The following PRDM11 variants were observed in gnomAD, a reference collection of about 807,000 sequenced individuals.
PRDM11 encodes PR/SET domain 11.
Under a neutral mutation model 97.8 loss-of-function variants are expected in PRDM11, and 20 were observed. The observed-to-expected ratio is 0.20, with a 90% confidence interval of 0.14 to 0.30. PRDM11 has a LOEUF of 0.30. Among genes scored for constraint, PRDM11 ranks in the 10% least tolerant of loss-of-function variants. The pLI, the probability that PRDM11 is intolerant of heterozygous loss-of-function variation, is 1.00. For synonymous variants in PRDM11, 599 were observed against 637.7 expected (o/e 0.94, Z 0.91); for missense variants, 1,139 against 1,555.2 (o/e 0.73, Z 4.50).
At chr11:45,119,538 G>A (rs761951231) in intron 1 of PRDM11, among the ~76,000 whole-genome samples, 2 of 147,050 alleles carry the variant, frequency 1.4e-5, no homozygotes, top group Non-Finnish European at 3.0e-5. Context: ...GCTGAGGCAG[G>A]AGAATTGCGT....
intron 1 of PRDM11, among the ~76,000 whole-genome samples, chr11:45,103,582 A>G (rs1016165283): frequency 3.9e-5 from 6 of 152,126 alleles, no homozygotes; most frequent in Non-Finnish European, 7.4e-5. Context: ...TTGGCAGGGT[A>G]TTGACCAAGA....
chr11:45,145,897 T>TGA (rs1388522666), upstream of PRDM11, among the ~76,000 whole-genome samples: 1 of 152,114 alleles, frequency 6.6e-6, no homozygotes, highest in Non-Finnish European at 1.5e-5. Context: ...TCACCCCCTC[T>TGA]CTGTGATGTC....
At chr11:45,174,555 A>AT (rs1177732799) in intron 1 of PRDM11, among the ~76,000 whole-genome samples, 1 of 152,232 alleles carries the variant, frequency 6.6e-6, no homozygotes, top group East Asian at 1.9e-4. Flanking sequence ...TCATTGATTC[A>AT]TTCGTTCATC....
At chr11:45,146,113 A>G (rs1851502045), upstream of PRDM11, among the ~76,000 whole-genome samples, 1 of 152,166 alleles carries the variant, frequency 6.6e-6, no homozygotes, top group Non-Finnish European at 1.5e-5. Flanking sequence ...ACGAACCCCA[A>G]GCCCCTCACC....
chr11:45,160,371 T>G (rs1851899641), intron 1 of PRDM11, among the ~76,000 whole-genome samples: 1 of 152,252 alleles, frequency 6.6e-6, no homozygotes, highest in Non-Finnish European at 1.5e-5. Context: ...ACTAAAGTCT[T>G]TCTTGATGAT....
intron 5 of PRDM11, chr11:45,214,430 G>A (rs1853896667): frequency 1.3e-5 from 2 of 151,424 alleles, no homozygotes; most frequent in Admixed American, 1.3e-4. Flanking sequence ...AGTGGGAGCT[G>A]GGAGGATTGC....
At chr11:45,100,337 C>A (rs866540574) in intron 1 of PRDM11, among the ~76,000 whole-genome samples, 1 of 152,106 alleles carries the variant, frequency 6.6e-6, no homozygotes, top group Non-Finnish European at 1.5e-5. Flanking sequence ...TCACACTCAC[C>A]CCAGGAGAAA....
At position 45,226,401 on chromosome 11, in the gene PRDM11, C is replaced by G. The variant is rs988322430; in HGVS notation, c.1776C>G (p.Leu592=). The change falls in exon 8 of 8, where the codon CTC becomes CTG. Residue 592 remains leucine (L), a synonymous_variant. Coordinates refer to ENST00000683152, the MANE Select transcript of PRDM11 (RefSeq NM_001384648.1). ...AGATGTGTCGCAACATGACCCTGCT[C>G]TTCAACACCGCCTACCACCTGGCCT... ...TEEMCRNMTL[L]FNTAYHLALE... is the part of the protein sequence containing the mutation. The G allele has an allele frequency of 1.3e-6, 2 of 1,534,016 alleles. No individual in the cohort carries two copies. The highest frequency in any genetic ancestry group is 1.2e-5 in the South Asian group (1 of 83,970).
chr11:45,102,863 T>C (rs1267263810), intron 1 of PRDM11, among the ~76,000 whole-genome samples: 1 of 152,120 alleles, frequency 6.6e-6, no homozygotes, highest in Non-Finnish European at 1.5e-5. Flanking sequence ...ATGGCAGCAA[T>C]TGGGCTGGGC....
chr11:45,181,245 C>T (rs1400372049), intron 1 of PRDM11, among the ~76,000 whole-genome samples: 1 of 152,214 alleles, frequency 6.6e-6, no homozygotes, highest in African/African-American at 2.4e-5. Flanking sequence ...GCCAGCGCCC[C>T]CAGGCCCTGC....
chr11:45,097,460 T>C (rs984954948), intron 1 of PRDM11, among the ~76,000 whole-genome samples: 1 of 152,202 alleles, frequency 6.6e-6, no homozygotes, highest in Non-Finnish European at 1.5e-5. Context: ...ACCACAATCC[T>C]GTGGGAAAGC....
chr11:45,179,757 A>G (rs890423894), intron 1 of PRDM11, among the ~76,000 whole-genome samples: 1 of 152,192 alleles, frequency 6.6e-6, no homozygotes, highest in Non-Finnish European at 1.5e-5. Context: ...GGGCTTCAAC[A>G]TATGAAGGGG....
intron 1 of PRDM11, among the ~76,000 whole-genome samples, chr11:45,174,854 A>C (rs1012455387): frequency 6.6e-6 from 1 of 152,254 alleles, no homozygotes; most frequent in Non-Finnish European, 1.5e-5. Context: ...ACCCATGTGT[A>C]CAGATCTGCA....
chr11:45,195,213 G>A (rs1427688229), intron 4 of PRDM11, among the ~76,000 whole-genome samples: 2 of 152,088 alleles, frequency 1.3e-5, no homozygotes, highest in African/African-American at 2.4e-5. Flanking sequence ...CAGCTTTATT[G>A]AGATGTAATT....
chr11:45,233,742 A>C lies in PRDM11; in HGVS notation c.*5583A>C, dbSNP rs1854446418. The C allele has an allele frequency of 1.3e-5, 2 of 151,460 alleles. No homozygotes were observed. Among genetic ancestry groups the C allele is most frequent in the Non-Finnish European group, 3.0e-5 (2 of 67,524 alleles). 9.4% of individuals were successfully genotyped at this position (151,460 alleles called of 1,614,324 possible). On this transcript the variant is annotated 3_prime_UTR_variant, in exon 8 of 8. Transcript: ENST00000683152. ...GCATCGCCAGGCAGCGCTGCCCACC[A>C]TCCACAGGCTTTCTGGCCAGGGCAG...
intron 5 of PRDM11, chr11:45,212,348 A>G: frequency 3.0e-6 from 1 of 335,548 alleles, no homozygotes; most frequent in Non-Finnish European, 6.0e-6. Context: ...GGGCCAAACT[A>G]GACCGCAGGG....
intron 1 of PRDM11, among the ~76,000 whole-genome samples, chr11:45,169,414 A>C (rs996976698): frequency 2.6e-5 from 4 of 152,214 alleles, no homozygotes; most frequent in Non-Finnish European, 1.5e-5. Flanking sequence ...GTCCTTTAAC[A>C]CTTTATGCAA....
rs560925222 is a variant in PRDM11 at position 45,197,885 on chromosome 11, G to C, written c.487-6826G>C. On this transcript the variant is annotated intron_variant, in intron 4 of 7. Coordinates refer to ENST00000683152, the MANE Select transcript of PRDM11 (RefSeq NM_001384648.1). ...AGGGCCTGTCGTGGGGTGCGGGGAA[G>C]GGGGAGGGATAGCATTAGGAGATAT... Among the ~76,000 whole-genome samples the C allele has an allele frequency of 2.5e-3, 374 of 152,260 alleles. 1 individual carries two copies. Among genetic ancestry groups the C allele is most frequent in the Non-Finnish European group, 3.9e-3 (263 of 68,032 alleles).
chr11:45,121,852 A>C (rs1490470050), intron 1 of PRDM11, among the ~76,000 whole-genome samples: 1 of 152,188 alleles, frequency 6.6e-6, no homozygotes, highest in Non-Finnish European at 1.5e-5. Flanking sequence ...CCATGGGCCA[A>C]AGGAAACATT....
Sources: allele counts gnomAD v4.1 joint callset (sites outside exome capture counted in the v4.1 genomes callset), GRCh38; gene constraint gnomAD v4.1.1; transcripts MANE v1.5; gene names NCBI Gene and HGNC (gene_info 2026-07-23, HGNC 2026-07-21).